Variants in MYO1H observed in about 807,000 individuals in gnomAD.
The protein encoded by MYO1H is myosin IH, also known as unconventional myosin-Ih.
MYO1H carries 118 observed loss-of-function variants against 149.3 expected under a neutral mutation model. That is an observed-to-expected ratio of 0.79 (90% CI 0.68 to 0.92). The LOEUF is 0.92. Among genes scored for constraint, MYO1H ranks in the 40% least tolerant of loss-of-function variants. The probability of loss-of-function intolerance (pLI) is 0.00; values close to 1 mark genes in which losing one functional copy is unlikely to be tolerated. For synonymous variants in MYO1H, 447 were observed against 465.2 expected (o/e 0.96, Z 0.50); for missense variants, 1,212 against 1,280.7 (o/e 0.95, Z 0.82).
At chr12:109,419,518 A>T (rs1180410518) in intron 15 of MYO1H, among the ~76,000 whole-genome samples, 1 of 151,814 alleles carries the variant, frequency 6.6e-6, no homozygotes, top group Admixed American at 6.6e-5. Flanking sequence ...TTTTTCTTAA[A>T]CACTTTTGAT....
At chr12:109,349,735 C>A (rs1284419412) in intron 1 of MYO1H, among the ~76,000 whole-genome samples, 2 of 150,202 alleles carry the variant, frequency 1.3e-5, no homozygotes, top group Non-Finnish European at 3.0e-5. Context: ...CCGAGGCAGG[C>A]AGATCACGAG....
intron 13 of MYO1H, among the ~76,000 whole-genome samples, chr12:109,411,569 T>A (rs929086108): frequency 6.6e-6 from 1 of 152,198 alleles, no homozygotes; most frequent in Admixed American, 6.5e-5. Context: ...CACATGGTAA[T>A]CATGGTCAGT....
the MYO1H span, among the ~76,000 whole-genome samples, chr12:109,321,042 C>G: frequency 6.6e-6 from 1 of 150,742 alleles, no homozygotes; most frequent in Admixed American, 6.6e-5. Context: ...GAGCCAAGAT[C>G]GTGCCACTGC....
chr12:109,411,605 T>TTTGGCATTAAGC (rs1555252863), intron 13 of MYO1H, among the ~76,000 whole-genome samples: 1 of 151,684 alleles, frequency 6.6e-6, no homozygotes, highest in Non-Finnish European at 1.5e-5. Flanking sequence ...GAAAACGAGG[T>TTTGGCATTAAGC]TGGTCATAGT....
At chr12:109,343,350 G>T (rs955210662), upstream of MYO1H, among the ~76,000 whole-genome samples, 1 of 152,070 alleles carries the variant, frequency 6.6e-6, no homozygotes. Context: ...TCAACAAAAC[G>T]AAATCATGTG....
At chr12:109,422,958 T>C (rs541584774) in intron 16 of MYO1H, among the ~76,000 whole-genome samples, 1 of 152,132 alleles carries the variant, frequency 6.6e-6, no homozygotes, top group African/African-American at 2.4e-5. Flanking sequence ...GGCACACCCC[T>C]GTGGTTCTAG....
At chr12:109,409,659 G>T (rs1870579433) in intron 11 of MYO1H, 35 bp downstream of exon 11, 4 of 1,541,136 alleles carry the variant, frequency 2.6e-6, no homozygotes, top group Non-Finnish European at 3.6e-6. Context: ...TCTGTCTTTT[G>T]CCCTTTTTTA....
intron 3 of MYO1H, among the ~76,000 whole-genome samples, chr12:109,393,964 A>C (rs911224929): frequency 5.3e-5 from 8 of 152,144 alleles, no homozygotes; most frequent in Non-Finnish European, 1.0e-4. Context: ...GGCTAAGAGG[A>C]CTGCTCGTTG....
Position 109,443,126 on chromosome 12 carries a change from G to GTATATGTGTGTATATGTGTACA in MYO1H, c.2689-383_2689-382insGTGTGTATATGTGTACATATAT, listed in dbSNP as rs1566044961. ...TACGTATATGTGTGTATATGTGTAC[G>GTATATGTGTGTATATGTGTACA]TATATATGTGTGTATATGTGTACGT... On this transcript the variant is annotated intron_variant, in intron 27 of 31. Coordinates refer to ENST00000310903, the Ensembl canonical transcript of MYO1H. 2.5e-3 allele frequency among the ~76,000 whole-genome samples: 19 copies of GTATATGTGTGTATATGTGTACA among 7,740 alleles called. 4 individuals carry two copies. The highest frequency in any genetic ancestry group is 3.6e-3 in the Non-Finnish European group (15 of 4,156). The allele number at this position is 7,740 out of a possible 152,430, so 5.1% of individuals were successfully genotyped here.
At chr12:109,444,402 A>G (rs1872386184) in intron 29 of MYO1H, 30 bp from the exon 30 acceptor site, 1 of 1,599,044 alleles carries the variant, frequency 6.3e-7, no homozygotes, top group African/African-American at 1.3e-5. Flanking sequence ...GTGAATACTG[A>G]AATTATGCCT....
chr12:109,360,300 C>G (rs1457387241), intron 1 of MYO1H, among the ~76,000 whole-genome samples: 1 of 152,084 alleles, frequency 6.6e-6, no homozygotes, highest in East Asian at 1.9e-4. Flanking sequence ...TGTACCAGCT[C>G]TAATCGGTTT....
intron 1 of MYO1H, among the ~76,000 whole-genome samples, chr12:109,385,656 T>G (rs930628822): frequency 2.0e-5 from 3 of 152,232 alleles, no homozygotes; most frequent in Non-Finnish European, 4.4e-5. Context: ...TGCTAGTGAT[T>G]AAGGCTCTTC....
intron 1 of MYO1H, among the ~76,000 whole-genome samples, chr12:109,372,963 T>A (rs1450363938): frequency 6.6e-6 from 1 of 152,110 alleles, no homozygotes; most frequent in Non-Finnish European, 1.5e-5. Flanking sequence ...TTTATAGAAA[T>A]CTGGCACATT....
At chr12:109,445,359 C>G in intron 30 of MYO1H, 154 bp from the exon 31 acceptor site, 1 of 616,614 alleles carries the variant, frequency 1.6e-6, no homozygotes, top group Non-Finnish European at 2.7e-6. Flanking sequence ...CAACAGCATT[C>G]TTCCTTTCCT....
chr12:109,436,472 T>A lies in MYO1H; in HGVS notation c.2141-16T>A. Reference sequence around the variant, plus strand: ...AATGCAAAGCCATTTCACCAAAACGTCTGTTTTATTTTAAGTTGCAAGAAT... The same window carrying A: ...AATGCAAAGCCATTTCACCAAAACGACTGTTTTATTTTAAGTTGCAAGAAT... On this transcript the variant is annotated splice_polypyrimidine_tract_variant and intron_variant, in intron 21 of 31. Transcript: ENST00000310903. 6.3e-7 allele frequency: 1 copy of A among 1,599,284 alleles called. No individual in the cohort carries two copies. Among genetic ancestry groups the A allele is most frequent in the Non-Finnish European group, 8.5e-7 (1 of 1,170,276 alleles).
At chr12:109,432,015 T>C (rs1871645152) in intron 19 of MYO1H, among the ~76,000 whole-genome samples, 2 of 144,522 alleles carry the variant, frequency 1.4e-5, no homozygotes, top group African/African-American at 2.6e-5. Flanking sequence ...TTTTTTTTTT[T>C]TTTTGAGATG....
chr12:109,445,570 G>A lies in MYO1H; in HGVS notation c.3051G>A (p.Leu1017=), dbSNP rs570513412. The change falls in exon 31 of 32, where the codon CTG becomes CTA. Residue 1017 remains leucine, a synonymous_variant. Coordinates refer to ENST00000310903, the Ensembl canonical transcript of MYO1H. Reference sequence around the variant, plus strand: ...GCACAATAGTTTTCGACACTGGACTGGAAGAACAAGTCTATAAAAATAAAA... The same window carrying A: ...GCACAATAGTTTTCGACACTGGACTAGAAGAACAAGTCTATAAAAATAAAA... 1.4e-4 allele frequency: 221 copies of A among 1,612,262 alleles called. 4 individuals carry two copies. The South Asian group carries it at 2.3e-3, about 17-fold the overall frequency.
chr12:109,363,974 T>G (rs1474533031), intron 1 of MYO1H, among the ~76,000 whole-genome samples: 1 of 151,460 alleles, frequency 6.6e-6, no homozygotes, highest in Non-Finnish European at 1.5e-5. Context: ...CTGAGGTGGG[T>G]GGATCACTTG....
chr12:109,316,970 G>A, the MYO1H span, among the ~76,000 whole-genome samples: 1 of 152,202 alleles, frequency 6.6e-6, no homozygotes, highest in African/African-American at 2.4e-5. Flanking sequence ...AGTGGAGGAG[G>A]CAGTGAGGGT....
Sources: gnomAD v4.1 joint callset for allele counts (sites outside exome capture counted in the v4.1 genomes callset) on GRCh38, gnomAD v4.1.1 for gene constraint, MANE v1.5 for transcripts, NCBI Gene and HGNC (gene_info 2026-07-23, HGNC 2026-07-21) for gene names.